The following ATP12A variants were observed in gnomAD, a reference collection of about 807,000 sequenced individuals.
The protein encoded by ATP12A is ATPase H+/K+ transporting non-gastric alpha2 subunit.
A neutral mutation model predicts 111.2 loss-of-function variants in ATP12A; 81 were observed. The observed-to-expected ratio is 0.73, with a 90% CI of 0.61 to 0.88. The LOEUF is 0.88. ATP12A is among the 40% of genes least tolerant of loss of function. The pLI is 0.00. For missense variants in ATP12A, 1,196 were observed against 1,313.1 expected, an observed-to-expected ratio of 0.91 and a Z score of 1.38; for synonymous variants, 498 against 499.8, an observed-to-expected ratio of 1.00 and a Z score of 0.05.
At chr13:24,709,961 T>C in intron 19 of ATP12A, 133 bp downstream of exon 19, 1 of 1,335,926 alleles carries the variant, frequency 7.5e-7, no homozygotes, top group Non-Finnish European at 1.0e-6. Flanking sequence ...CAGGGCCCCC[T>C]TGCTGACACG....
At chr13:24,682,133 T>G in intron 2 of ATP12A, among the ~76,000 whole-genome samples, 1 of 112,594 alleles carries the variant, frequency 8.9e-6, no homozygotes, top group African/African-American at 3.5e-5. Flanking sequence ...GTGTGTGTGG[T>G]GTGTATATGT....
In ATP12A at chr13:24,708,946, A is replaced by AAAGAAAGAAAGGAAGG. The variant is rs1555255697; in HGVS notation, c.2494-407_2494-406insGAAGGAAGAAAGAAAG. Reference sequence around the variant, plus strand: ...GAAAGAAAGAAAGAAAGAAAGAAAGAAAGAAAGAAAGAAAGAAGGAAAGAG... The same window carrying AAAGAAAGAAAGGAAGG: ...GAAAGAAAGAAAGAAAGAAAGAAAGAAAGAAAGAAAGGAAGGAAGAAAGAAAGAAAGAAGGAAAGAG... On this transcript the variant is annotated intron_variant, in intron 17 of 22. Coordinates refer to ENST00000381946, the MANE Select transcript of ATP12A (RefSeq NM_001676.7). Among the ~76,000 whole-genome samples, 917 of 100,296 alleles carry AAAGAAAGAAAGGAAGG rather than the reference A, an allele frequency of 9.1e-3. 38 individuals are homozygous for AAAGAAAGAAAGGAAGG. The highest frequency in any genetic ancestry group is 0.022 in the African/African-American group (661 of 30,462). 65.8% of individuals were successfully genotyped at this position (100,296 alleles called of 152,430 possible). A position where few individuals can be genotyped will look rare whatever the true frequency, so the allele number is the denominator to read the frequency against.
intron 11 of ATP12A, among the ~76,000 whole-genome samples, chr13:24,696,802 G>A (rs1462081295): frequency 6.6e-6 from 1 of 151,480 alleles, no homozygotes; most frequent in Non-Finnish European, 1.5e-5. Context: ...GTGCTGTCTG[G>A]ATGCTGTTAG....
intron 14 of ATP12A, among the ~76,000 whole-genome samples, chr13:24,703,404 G>A (rs1360197822): frequency 6.6e-6 from 1 of 151,842 alleles, no homozygotes; most frequent in African/African-American, 2.4e-5. Flanking sequence ...CACCATGCCT[G>A]GCTAATTTTG....
chr13:24,695,877 G>A (rs1040578150), intron 11 of ATP12A, among the ~76,000 whole-genome samples: 1 of 152,128 alleles, frequency 6.6e-6, no homozygotes, highest in Non-Finnish European at 1.5e-5. Context: ...CCAAAGTGCT[G>A]GGATTACAGG....
intron 14 of ATP12A, among the ~76,000 whole-genome samples, chr13:24,705,307 C>T (rs987064759): frequency 1.3e-5 from 2 of 152,188 alleles, no homozygotes; most frequent in African/African-American, 2.4e-5. Context: ...GAGCATCCAG[C>T]GGGCAGGAGG....
At chr13:24,700,963 G>A (rs757772116) in intron 13 of ATP12A, 41 bp downstream of exon 13, 14 of 1,595,716 alleles carry the variant, frequency 8.8e-6, no homozygotes, top group Non-Finnish European at 8.6e-6. Flanking sequence ...CTTTCTTTAT[G>A]TCGTGTTCCT....
At chr13:24,689,205 G>A in intron 4 of ATP12A, 57 bp from the exon 5 acceptor site, 1 of 1,417,550 alleles carries the variant, frequency 7.1e-7, no homozygotes, top group Non-Finnish European at 1.0e-6. Context: ...TCTAGCCCCA[G>A]GGCCCGGCTG....
chr13:24,707,225 A>T, intron 16 of ATP12A, 34 bp downstream of exon 16: 1 of 1,613,560 alleles, frequency 6.2e-7, no homozygotes, highest in Non-Finnish European at 8.5e-7. Flanking sequence ...CCCAAGGGCC[A>T]GGGTGGTCTG....
chr13:24,711,799 T>A lies in ATP12A; in HGVS notation c.*277T>A. ...TGGTATAGGGAAGAATGTGTTTATG[T>A]GTATTTGAAACTCCTTGATGTTAAT... On this transcript the variant is annotated 3_prime_UTR_variant, in exon 23 of 23. Transcript: ENST00000381946. 1 of 513,938 alleles carries A rather than the reference T, an allele frequency of 1.9e-6. No individual in the cohort carries two copies. Among genetic ancestry groups the A allele is most frequent in the Non-Finnish European group, 3.5e-6 (1 of 285,810 alleles). 31.8% of individuals were successfully genotyped at this position (513,938 alleles called of 1,614,324 possible).
chr13:24,691,357 G>A (rs12871180), intron 8 of ATP12A, 107 bp downstream of exon 8: 79,810 of 1,332,682 alleles, frequency 0.06, 2,727 homozygotes, highest in South Asian at 0.11. Flanking sequence ...AGAGCACCAC[G>A]CCCTCCCCGC....
At chr13:24,704,099 G>A (rs1263570249) in intron 14 of ATP12A, among the ~76,000 whole-genome samples, 1 of 152,078 alleles carries the variant, frequency 6.6e-6, no homozygotes, top group African/African-American at 2.4e-5. Context: ...CTGGGTTCAA[G>A]CAATTCTCCT....
Position 24,691,107 on chromosome 13 carries a change from A to G in ATP12A, c.925A>G (p.Ile309Val). The change falls in exon 8 of 23, where the codon ATT (isoleucine) becomes GTT (valine). Residue 309 changes from isoleucine (I) to valine (V), a missense_variant. Ile to Val is a conservative substitution (Grantham distance 29). This residue lies in a region of ATP12A where 1,126 missense variants were observed against 1,228.5 expected (regional missense o/e 0.92). Coordinates refer to ENST00000381946, the MANE Select transcript of ATP12A (RefSeq NM_001676.7). ...IAIEIEHFVH[I>V]VAGVAVSIGI... ...CATTGAGATCGAGCACTTTGTTCAC[A>G]TTGTGGCAGGAGTGGCTGTCTCCAT... 1 of 1,614,218 alleles carries G rather than the reference A, an allele frequency of 6.2e-7. No homozygotes were observed. Among genetic ancestry groups the G allele is most frequent in the Middle Eastern group, 1.6e-4 (1 of 6,062 alleles).
At chr13:24,686,596 G>A (rs997595368) in intron 3 of ATP12A, among the ~76,000 whole-genome samples, 2 of 151,972 alleles carry the variant, frequency 1.3e-5, no homozygotes, top group Admixed American at 6.6e-5. Context: ...AAAATTAGTC[G>A]GGCACGGTGG....
In ATP12A at chr13:24,700,811, T is replaced by C; in HGVS notation, c.1770T>C (p.Ala590=). 6.2e-7 allele frequency: 1 copy of C among 1,614,180 alleles called. No individual in the cohort carries two copies. Among genetic ancestry groups the C allele is most frequent in the East Asian group, 2.2e-5 (1 of 44,878 alleles). The part of the protein sequence containing the change: ...FPETYSFDID[A]MNFPTSNLCF... ...AAACCTACTCATTTGACATAGACGC[T>C]ATGAACTTTCCGACCTCCAACCTCT... The change falls in exon 13 of 23, where the codon GCT becomes GCC. Residue 590 remains alanine, a synonymous_variant. Coordinates refer to ENST00000381946, the MANE Select transcript of ATP12A (RefSeq NM_001676.7).
chr13:24,693,285 C>T (rs1346284130), intron 10 of ATP12A, among the ~76,000 whole-genome samples: 1 of 152,082 alleles, frequency 6.6e-6, no homozygotes, highest in Non-Finnish European at 1.5e-5. Context: ...TGGCTGCAGA[C>T]AAAGCTCTAA....
At chr13:24,691,398 C>G (rs749748727) in intron 8 of ATP12A, 148 bp downstream of exon 8, 61 of 1,017,828 alleles carry the variant, frequency 6.0e-5, no homozygotes, top group Non-Finnish European at 8.3e-5. Context: ...TCTGCATAGA[C>G]TGTTCCTTAC....
chr13:24,695,336 C>T (rs927412145), intron 11 of ATP12A, among the ~76,000 whole-genome samples: 8 of 152,160 alleles, frequency 5.3e-5, no homozygotes, highest in African/African-American at 1.4e-4. Flanking sequence ...AGGTAGAAGA[C>T]GGCCTTCCTT....
intron 21 of ATP12A, 28 bp from the exon 22 acceptor site, chr13:24,711,290 G>T (rs781308732): frequency 1.9e-6 from 3 of 1,570,524 alleles, no homozygotes; most frequent in South Asian, 1.2e-5. Flanking sequence ...GATGAGTCAG[G>T]GTTCACTTTC....
Sources: allele counts gnomAD v4.1 joint callset (sites outside exome capture counted in the v4.1 genomes callset), GRCh38; gene constraint gnomAD v4.1.1; regional missense constraint gnomAD v4.1.1; transcripts MANE v1.5; gene names NCBI Gene and HGNC (gene_info 2026-07-23, HGNC 2026-07-21).